PTPRT: variants seen among roughly 807,000 people sequenced by gnomAD.
The protein encoded by PTPRT is protein tyrosine phosphatase receptor type T.
Under a neutral mutation model 176.8 loss-of-function variants are expected in PTPRT, and 56 were observed. The observed-to-expected ratio is 0.32, with a 90% CI of 0.26 to 0.40. The LOEUF is 0.40. Among genes scored for constraint, PTPRT ranks in the 10% least tolerant of loss-of-function variants. PTPRT has a pLI of 1.00. For synonymous variants in PTPRT, 783 were observed against 739.0 expected (o/e 1.06, Z -0.96); for missense variants, 1,540 against 1,908.2 (o/e 0.81, Z 3.60).
chr20:42,646,036 T>C (rs569023521), intron 7 of PTPRT, among the ~76,000 whole-genome samples: 1 of 152,222 alleles, frequency 6.6e-6, no homozygotes, highest in East Asian at 1.9e-4. Context: ...ATTATTGTAG[T>C]AGACACTGTA....
At chr20:42,571,146 A>G (rs1052779363) in intron 7 of PTPRT, among the ~76,000 whole-genome samples, 2 of 152,260 alleles carry the variant, frequency 1.3e-5, no homozygotes, top group Non-Finnish European at 2.9e-5. Flanking sequence ...GCAAATTTCA[A>G]AAGTATTACG....
At chr20:42,234,049 T>A (rs550314059) in intron 15 of PTPRT, among the ~76,000 whole-genome samples, 1 of 152,222 alleles carries the variant, frequency 6.6e-6, no homozygotes, top group South Asian at 2.1e-4. Context: ...GGATGGGGGT[T>A]AGATGCCAGA....
intron 1 of PTPRT, among the ~76,000 whole-genome samples, chr20:42,974,228 A>C (rs1467093215): frequency 1.3e-5 from 2 of 152,284 alleles, no homozygotes; most frequent in East Asian, 1.9e-4. Flanking sequence ...TCTTGAGAAA[A>C]TTGCATAGCT....
chr20:42,656,953 G>A (rs1487508889), intron 7 of PTPRT, among the ~76,000 whole-genome samples: 1 of 152,024 alleles, frequency 6.6e-6, no homozygotes, highest in Non-Finnish European at 1.5e-5. Flanking sequence ...GATATGGTTT[G>A]GCTGTGTCCC....
chr20:42,204,918 CTA>C (rs1390072992), intron 15 of PTPRT, among the ~76,000 whole-genome samples: 1 of 151,532 alleles, frequency 6.6e-6, no homozygotes, highest in African/African-American at 2.4e-5. Flanking sequence ...GGTTGGGTCT[CTA>C]TGGTCCCAGG....
At chr20:42,105,620 T>C (rs1244460969) in intron 24 of PTPRT, among the ~76,000 whole-genome samples, 1 of 152,258 alleles carries the variant, frequency 6.6e-6, no homozygotes, top group Non-Finnish European at 1.5e-5. Flanking sequence ...GTGATGCATC[T>C]GCATTTGAAT....
intron 22 of PTPRT, among the ~76,000 whole-genome samples, chr20:42,113,234 A>G (rs1424876426): frequency 3.3e-5 from 5 of 152,198 alleles, no homozygotes; most frequent in Non-Finnish European, 7.3e-5. Flanking sequence ...TTAAAAGACA[A>G]AGAAAATGTA....
intron 1 of PTPRT, among the ~76,000 whole-genome samples, chr20:42,927,632 G>T (rs1979572607): frequency 2.0e-5 from 3 of 151,992 alleles, no homozygotes; most frequent in Admixed American, 2.0e-4. Flanking sequence ...AAAGGAAAGG[G>T]AGCTACTCAT....
chr20:42,476,635 A>G (rs1219712200), intron 7 of PTPRT, among the ~76,000 whole-genome samples: 1 of 152,186 alleles, frequency 6.6e-6, no homozygotes, highest in Non-Finnish European at 1.5e-5. Context: ...CTCAGTTTGT[A>G]TTCCAAAGGC....
chr20:42,120,991 G>C (rs1047052436), intron 19 of PTPRT, among the ~76,000 whole-genome samples: 2 of 152,152 alleles, frequency 1.3e-5, no homozygotes, highest in African/African-American at 2.4e-5. Context: ...ATGAACATCT[G>C]TCTTTGTCTT....
At chr20:42,435,294 T>C (rs543670098) in intron 9 of PTPRT, among the ~76,000 whole-genome samples, 4 of 152,226 alleles carry the variant, frequency 2.6e-5, no homozygotes, top group Non-Finnish European at 5.9e-5. Context: ...TGAACTGTGG[T>C]CCATGTTATC....
chr20:42,214,185 T>C (rs1052896117), intron 15 of PTPRT, among the ~76,000 whole-genome samples: 1 of 152,174 alleles, frequency 6.6e-6, no homozygotes, highest in Non-Finnish European at 1.5e-5. Flanking sequence ...GGCTTCTAAA[T>C]GTTCTCTAAG....
intron 1 of PTPRT, among the ~76,000 whole-genome samples, chr20:42,999,114 G>A (rs1568725665): frequency 6.6e-6 from 1 of 152,168 alleles, no homozygotes; most frequent in Non-Finnish European, 1.5e-5. Flanking sequence ...GTAGGCATGA[G>A]GAAAAGAAAA....
chr20:42,497,747 T>C (rs1338358202), intron 7 of PTPRT, among the ~76,000 whole-genome samples: 1 of 152,170 alleles, frequency 6.6e-6, no homozygotes, highest in Non-Finnish European at 1.5e-5. Context: ...CAGATATGCC[T>C]TTCTTATAGA....
chr20:42,204,472 T>C lies in PTPRT; in HGVS notation c.2343-5084A>G, dbSNP rs1325296601. ...GTCACACAATTTCGCCAGCAGGGGGTACCAAAAGCTGATAAAAAGAGAGTA... is the reference window on the plus strand; with the variant it reads ...GTCACACAATTTCGCCAGCAGGGGGCACCAAAAGCTGATAAAAAGAGAGTA... On this transcript the variant is annotated intron_variant, in intron 15 of 30. Transcript: ENST00000373187. Among the ~76,000 whole-genome samples the C allele has an allele frequency of 2.6e-5, 4 of 152,132 alleles. No individual in the cohort carries two copies. The South Asian group carries it at 8.3e-4, about 32-fold the overall frequency.
chr20:42,834,119 A>G (rs569434862), intron 2 of PTPRT, among the ~76,000 whole-genome samples: 2 of 152,196 alleles, frequency 1.3e-5, no homozygotes, highest in Non-Finnish European at 2.9e-5. Flanking sequence ...CAGATCTGAC[A>G]AAATGCTTAT....
At chr20:42,957,114 G>A (rs751509263) in intron 1 of PTPRT, among the ~76,000 whole-genome samples, 1 of 152,092 alleles carries the variant, frequency 6.6e-6, no homozygotes, top group Non-Finnish European at 1.5e-5. Context: ...AAACACCTAG[G>A]ACAGCATCAA....
Position 42,079,273 on chromosome 20 carries a change from AC to A in PTPRT, c.*1605del. The A allele has an allele frequency of 4.8e-6, 1 of 207,720 alleles. No individual in the cohort carries two copies. The highest frequency in any genetic ancestry group is 2.3e-5 in the African/African-American group (1 of 43,988). The allele number at this position is 207,720 out of a possible 1,614,324, so 12.9% of individuals were successfully genotyped here. The stretch of plus-strand genomic sequence containing the variant: ...GAAGAACTGGCATCAGGAAGAAAGT[AC>A]TAAATTTCCATTTGTGGAGTTATCT... On this transcript the variant is annotated 3_prime_UTR_variant, in exon 31 of 31. Coordinates refer to ENST00000373187, the MANE Select transcript of PTPRT (RefSeq NM_007050.6).
At chr20:42,510,179 C>A (rs766586756) in intron 7 of PTPRT, among the ~76,000 whole-genome samples, 9 of 152,070 alleles carry the variant, frequency 5.9e-5, no homozygotes, top group Non-Finnish European at 1.3e-4. Flanking sequence ...TCCAAAAGCA[C>A]CATCATGTGC....
Sources: allele counts gnomAD v4.1 joint callset (sites outside exome capture counted in the v4.1 genomes callset), GRCh38; gene constraint gnomAD v4.1.1; transcripts MANE v1.5; gene names NCBI Gene and HGNC (gene_info 2026-07-23, HGNC 2026-07-21).